Variants in CDC73 observed in about 807,000 individuals in gnomAD.
The protein encoded by CDC73 is cell division cycle 73.
In CDC73, 21 loss-of-function variants were observed where a neutral mutation model predicts 83.7. The observed-to-expected ratio is 0.25, with a 90% CI of 0.18 to 0.36. CDC73 has a LOEUF of 0.36. Among genes scored for constraint, CDC73 ranks in the 10% least tolerant of loss-of-function variants. CDC73 has a pLI of 1.00. For missense variants in CDC73, 342 were observed against 653.3 expected, an observed-to-expected ratio of 0.52 and a Z score of 5.19; for synonymous variants, 224 against 212.9, an observed-to-expected ratio of 1.05 and a Z score of -0.45.
At chr1:193,173,509 A>T (rs1355966167) in intron 10 of CDC73, among the ~76,000 whole-genome samples, 1 of 152,322 alleles carries the variant, frequency 6.6e-6, no homozygotes, top group Non-Finnish European at 1.5e-5. Flanking sequence ...AATAATATTG[A>T]TGTAATCCTA....
At chr1:193,220,184 T>TG (rs57790454) in intron 13 of CDC73, among the ~76,000 whole-genome samples, 5 of 146,604 alleles carry the variant, frequency 3.4e-5, no homozygotes, top group Non-Finnish European at 7.5e-5. Context: ...TTTTTTTTTT[T>TG]GAGACGGAGT....
intron 11 of CDC73, among the ~76,000 whole-genome samples, chr1:193,210,982 A>G (rs1677268299): frequency 6.6e-6 from 1 of 152,174 alleles, no homozygotes; most frequent in Non-Finnish European, 1.5e-5. Context: ...GCACAGTAGT[A>G]TTTGCTCGTA....
intron 10 of CDC73, among the ~76,000 whole-genome samples, chr1:193,153,723 T>C (rs536488694): frequency 6.6e-6 from 1 of 152,330 alleles, no homozygotes; most frequent in Non-Finnish European, 1.5e-5. Flanking sequence ...TTTGTATTAT[T>C]AAATTATGTG....
intron 5 of CDC73, among the ~76,000 whole-genome samples, chr1:193,135,831 A>G (rs1040909989): frequency 5.7e-5 from 8 of 140,696 alleles, no homozygotes; most frequent in African/African-American, 1.8e-4. Flanking sequence ...GGATGAACCT[A>G]TTGGCTCAAG....
At position 193,205,067 on chromosome 1, in the gene CDC73, T is replaced by C. The variant is rs1424155230; in HGVS notation, c.1030+1215T>C. On this transcript the variant is annotated intron_variant, in intron 11 of 16. Coordinates refer to ENST00000367435, the MANE Select transcript of CDC73 (RefSeq NM_024529.5). ...TATTCCTAGTAACTAAAAAGACTGA[T>C]TTTTATAGATCATTTAGATACCAAC... is the stretch of plus-strand genomic sequence containing the variant. Among the ~76,000 whole-genome samples, 82 of 152,130 alleles carry C rather than the reference T, an allele frequency of 5.4e-4. 1 individual carries two copies.
At chr1:193,224,284 T>G (rs1389199413) in intron 13 of CDC73, among the ~76,000 whole-genome samples, 1 of 152,038 alleles carries the variant, frequency 6.6e-6, no homozygotes, top group Non-Finnish European at 1.5e-5. Flanking sequence ...CAGCATAAAG[T>G]CATAGTTTTT....
chr1:193,248,010 C>A (rs1677982073), intron 15 of CDC73, among the ~76,000 whole-genome samples: 1 of 152,130 alleles, frequency 6.6e-6, no homozygotes, highest in Non-Finnish European at 1.5e-5. Flanking sequence ...AACACATTTT[C>A]ATCGTAGATG....
At chr1:193,140,522 T>A (rs1308503211) in intron 6 of CDC73, among the ~76,000 whole-genome samples, 1 of 152,136 alleles carries the variant, frequency 6.6e-6, no homozygotes. Context: ...CAGTGGCATA[T>A]GCGAATTGCT....
At chr1:193,143,927 T>C (rs1378234186) in intron 7 of CDC73, among the ~76,000 whole-genome samples, 1 of 151,958 alleles carries the variant, frequency 6.6e-6, no homozygotes, top group African/African-American at 2.4e-5. Context: ...CTGGCCAACA[T>C]GGTGAAACCC....
chr1:193,148,375 C>T (rs114392320), intron 8 of CDC73, among the ~76,000 whole-genome samples: 2,652 of 152,232 alleles, frequency 0.017, 39 homozygotes, highest in South Asian at 0.051. Flanking sequence ...TCTTGATCAC[C>T]AGCCATGCTG....
At chr1:193,180,695 G>C in intron 10 of CDC73, 2 of 1,614,048 alleles carry the variant, frequency 1.2e-6, no homozygotes, top group Non-Finnish European at 1.7e-6. Context: ...TCTTTGTTTC[G>C]ATTGGGTGCA....
In CDC73 at chr1:193,152,411, A is replaced by G; in HGVS notation, c.939A>G (p.Gly313=). The G allele has an allele frequency of 6.2e-7, 1 of 1,612,044 alleles. No individual in the cohort carries two copies. The highest frequency in any genetic ancestry group is 1.3e-5 in the African/African-American group (1 of 74,998). ...ETEGFKIDTM[G]TYHGMTLKSV... is the part of the protein sequence containing the mutation. ...AAGGCTTCAAAATTGACACTATGGGAACCTACCATGGTATGACACTGAAAT... is the reference window on the plus strand; with the variant it reads ...AAGGCTTCAAAATTGACACTATGGGGACCTACCATGGTATGACACTGAAAT... The change falls in exon 10 of 17, where the codon GGA becomes GGG. Residue 313 remains glycine, a synonymous_variant. Coordinates refer to ENST00000367435, the MANE Select transcript of CDC73 (RefSeq NM_024529.5).
At chr1:193,181,408 C>G in intron 10 of CDC73, 1 of 1,614,038 alleles carries the variant, frequency 6.2e-7, no homozygotes, top group Non-Finnish European at 8.5e-7. Flanking sequence ...GAATCCAGCT[C>G]TGCCTGGCAG....
chr1:193,232,934 T>C (rs1677686179), intron 13 of CDC73, 59 bp from the exon 14 acceptor site: 2 of 1,411,160 alleles, frequency 1.4e-6, no homozygotes, highest in Non-Finnish European at 2.0e-6. Flanking sequence ...TTATAGTTTA[T>C]CTTCCCATTT....
chr1:193,174,780 C>T (rs1167966745), intron 10 of CDC73, among the ~76,000 whole-genome samples: 2 of 152,204 alleles, frequency 1.3e-5, no homozygotes, highest in African/African-American at 2.4e-5. Context: ...ATCCAGCCAT[C>T]ATGAAGGCCT....
chr1:193,144,359 A>G (rs1419933561), intron 7 of CDC73, among the ~76,000 whole-genome samples: 2 of 152,130 alleles, frequency 1.3e-5, no homozygotes, highest in Non-Finnish European at 2.9e-5. Flanking sequence ...AATCACCTGT[A>G]ATTCTGCTGC....
At chr1:193,157,212 G>A (rs1016590213) in intron 10 of CDC73, among the ~76,000 whole-genome samples, 2 of 152,128 alleles carry the variant, frequency 1.3e-5, no homozygotes, top group South Asian at 4.1e-4. Context: ...AAGAAGACTG[G>A]TTATTGTATA....
At chr1:193,156,157 A>G (rs548105049) in intron 10 of CDC73, among the ~76,000 whole-genome samples, 55 of 152,320 alleles carry the variant, frequency 3.6e-4, no homozygotes, top group African/African-American at 1.2e-3. Context: ...CAAGGAACCA[A>G]TTTATGGTTC....
intron 9 of CDC73, among the ~76,000 whole-genome samples, chr1:193,151,159 T>G (rs2103132755): frequency 6.6e-6 from 1 of 152,344 alleles, no homozygotes; most frequent in African/African-American, 2.4e-5. Context: ...TCATCATGAC[T>G]TGATTCATGA....
Sources: allele counts gnomAD v4.1 joint callset (sites outside exome capture counted in the v4.1 genomes callset), GRCh38; gene constraint gnomAD v4.1.1; transcripts MANE v1.5; gene names NCBI Gene and HGNC (gene_info 2026-07-23, HGNC 2026-07-21).